Variants in MCM9 observed in about 807,000 individuals in gnomAD.
MCM9 encodes DNA helicase MCM9.
MCM9 carries 55 observed loss-of-function variants against 72.8 expected under a neutral mutation model. The observed-to-expected ratio is 0.76, with a 90% confidence interval of 0.61 to 0.95. The LOEUF is 0.95. MCM9 is among the 40% of genes least tolerant of loss of function. The pLI is 0.00. For missense variants in MCM9, 1,279 were observed against 1,377.0 expected, an observed-to-expected ratio of 0.93 and a Z score of 1.13; for synonymous variants, 480 against 503.4, an observed-to-expected ratio of 0.95 and a Z score of 0.62.
chr6:118,889,899 A>G (rs1583553850), intron 8 of MCM9, among the ~76,000 whole-genome samples: 1 of 152,244 alleles, frequency 6.6e-6, no homozygotes, highest in Non-Finnish European at 1.5e-5. Flanking sequence ...ATGGGTAGAA[A>G]AGAACACAAA....
At chr6:118,894,989 G>A (rs1047668114) in intron 8 of MCM9, among the ~76,000 whole-genome samples, 13 of 149,878 alleles carry the variant, frequency 8.7e-5, no homozygotes, top group Admixed American at 2.0e-4. Flanking sequence ...CAGCGACCCC[G>A]GCGCACGGCG....
At chr6:118,841,646 CCTT>C (rs1189650255) in intron 9 of MCM9, among the ~76,000 whole-genome samples, 3 of 152,120 alleles carry the variant, frequency 2.0e-5, no homozygotes, top group African/African-American at 7.2e-5. Context: ...GTGCCCTGGC[CCTT>C]CTAGGGCTGT....
chr6:118,867,502 T>G (rs1285510540), intron 8 of MCM9, among the ~76,000 whole-genome samples: 1 of 152,222 alleles, frequency 6.6e-6, no homozygotes, highest in Non-Finnish European at 1.5e-5. Context: ...GGAAGCTTCA[T>G]TCACAATAAG....
At chr6:118,887,112 G>C (rs141952701) in intron 8 of MCM9, among the ~76,000 whole-genome samples, 1,580 of 152,200 alleles carry the variant, frequency 0.01, 29 homozygotes, top group African/African-American at 0.036. Flanking sequence ...ACAATCCCAG[G>C]TGGCTTCTTT....
chr6:118,835,008 T>C (rs1774860019), intron 9 of MCM9, among the ~76,000 whole-genome samples: 2 of 152,216 alleles, frequency 1.3e-5, no homozygotes, highest in South Asian at 4.1e-4. Flanking sequence ...AAGCCTTTAA[T>C]CCATCTTAAT....
chr6:118,826,778 T>C lies in MCM9; in HGVS notation c.1815+4A>G. On this transcript the variant is annotated splice_donor_region_variant and intron_variant, in intron 12 of 13. Coordinates refer to ENST00000619706, the MANE Select transcript of MCM9 (RefSeq NM_017696.3). Reference sequence around the variant, plus strand: ...TAAAAATTAGGTACACAAAATATCCTTACCTGCATTGAGGACTCCATGACT... The same window carrying C: ...TAAAAATTAGGTACACAAAATATCCCTACCTGCATTGAGGACTCCATGACT... The C allele has an allele frequency of 6.5e-7, 1 of 1,543,366 alleles. No individual in the cohort carries two copies. Among genetic ancestry groups the C allele is most frequent in the East Asian group, 2.4e-5 (1 of 40,856 alleles).
chr6:118,843,218 T>C (rs576574700), intron 9 of MCM9, among the ~76,000 whole-genome samples: 1 of 152,236 alleles, frequency 6.6e-6, no homozygotes, highest in African/African-American at 2.4e-5. Context: ...TGCATAAAGT[T>C]TGACCTCAAC....
rs1773350541 is a variant in MCM9 at position 118,815,451 on chromosome 6, A to G, written c.2805T>C (p.Phe935=). 5 of 1,550,234 alleles carry G rather than the reference A, an allele frequency of 3.2e-6. No individual in the cohort carries two copies. Among genetic ancestry groups the G allele is most frequent in the Non-Finnish European group, 4.4e-6 (5 of 1,146,912 alleles). Residue 935 remains phenylalanine, a synonymous_variant, in exon 14 of 14, where the codon TTT becomes TTC. Coordinates refer to ENST00000619706, the MANE Select transcript of MCM9 (RefSeq NM_017696.3). ...CAGGTGACACATGGCTGTGATCTTC[A>G]AAGGAGTGGATCAGTTTTGACTTCT... ...FKQKSKLIHS[F]EDHSHVSPGA...
chr6:118,839,584 T>C (rs1458927661), intron 9 of MCM9, among the ~76,000 whole-genome samples: 2 of 152,182 alleles, frequency 1.3e-5, no homozygotes, highest in South Asian at 2.1e-4. Context: ...GTCTTTGATG[T>C]TGGTGACCTT....
Position 118,856,531 on chromosome 6 carries a change from C to T in MCM9, c.1165G>A (p.Ala389Thr). 1.3e-6 allele frequency: 2 copies of T among 1,535,544 alleles called. No homozygotes were observed. Among genetic ancestry groups the T allele is most frequent in the Non-Finnish European group, 1.7e-6 (2 of 1,146,868 alleles). ...TTCCATTCTCCTGAGTCTTTTACAG[C>T]AGTTACCGTCAGACCTGAGGAAACA... The part of the protein sequence containing the change: ...GSTSAGLTVT[A>T]VKDSGEWNLE... The change falls in exon 9 of 14, where the codon GCT becomes ACT. Residue 389 changes from alanine to threonine, a missense_variant. By Grantham distance (58) the Ala-to-Thr change is moderately conservative. Transcript: ENST00000619706.
chr6:118,859,021 G>C (rs980163006), intron 8 of MCM9, among the ~76,000 whole-genome samples: 6 of 152,134 alleles, frequency 3.9e-5, no homozygotes, highest in African/African-American at 1.4e-4. Flanking sequence ...ATACTACAAA[G>C]CTACAGTAAT....
At chr6:118,889,959 G>A (rs569156219) in intron 8 of MCM9, among the ~76,000 whole-genome samples, 9 of 152,284 alleles carry the variant, frequency 5.9e-5, no homozygotes, top group African/African-American at 1.7e-4. Context: ...GAGAGGGTAC[G>A]CTATGTAACA....
intron 9 of MCM9, among the ~76,000 whole-genome samples, chr6:118,838,224 G>A (rs1775099544): frequency 6.7e-6 from 1 of 149,206 alleles, no homozygotes; most frequent in East Asian, 2.0e-4. Context: ...TGCAGTGGCA[G>A]CGATCTCGGC....
rs896044432 is a variant in MCM9 at position 118,935,085 on chromosome 6, T to C, written c.-344A>G. On this transcript the variant is annotated 5_prime_UTR_variant, in exon 1 of 14. Transcript: ENST00000619706. Reference sequence around the variant, plus strand: ...TCGGGCGGCCTAGCGCCTGCGGCTCTGCCGGGCCTGCGCTCTCGACCGACG... The same window carrying C: ...TCGGGCGGCCTAGCGCCTGCGGCTCCGCCGGGCCTGCGCTCTCGACCGACG... 6.6e-6 allele frequency: 1 copy of C among 152,032 alleles called. No homozygotes were observed. The highest frequency in any genetic ancestry group is 2.4e-5 in the African/African-American group (1 of 41,410). 9.4% of individuals were successfully genotyped at this position (152,032 alleles called of 1,614,324 possible). A position where few individuals can be genotyped will look rare whatever the true frequency, so the allele number is the denominator to read the frequency against.
intron 9 of MCM9, among the ~76,000 whole-genome samples, chr6:118,843,441 C>G (rs1041512407): frequency 6.6e-6 from 1 of 150,984 alleles, no homozygotes; most frequent in African/African-American, 2.4e-5. Context: ...CCAGCCTCAC[C>G]AACATGGCGA....
chr6:118,814,527 C>A lies in MCM9; in HGVS notation c.*297G>T, dbSNP rs746653147. On this transcript the variant is annotated 3_prime_UTR_variant, in exon 14 of 14. Transcript: ENST00000619706. ...GAACCTCTCCCCCTTAAAAACAAAA[C>A]AAAACAAAAAACAGAAACAGCTTCA... 1 of 235,470 alleles carries A rather than the reference C, an allele frequency of 4.2e-6. No homozygotes were observed. The highest frequency in any genetic ancestry group is 8.1e-6 in the Non-Finnish European group (1 of 123,468). The allele number at this position is 235,470 out of a possible 1,614,324, so 14.6% of individuals were successfully genotyped here. A position where few individuals can be genotyped will look rare whatever the true frequency, so the allele number is the denominator to read the frequency against.
chr6:118,860,769 G>C (rs1367125826), intron 8 of MCM9, among the ~76,000 whole-genome samples: 2 of 152,220 alleles, frequency 1.3e-5, no homozygotes, highest in East Asian at 3.8e-4. Flanking sequence ...TGGCACCAGA[G>C]GCTGGTTTCG....
chr6:118,894,532 G>T, intron 8 of MCM9: 2 of 1,531,540 alleles, frequency 1.3e-6, no homozygotes, highest in Non-Finnish European at 8.8e-7. Context: ...GGTGAGTGCG[G>T]CGCCCGTGCG....
At chr6:118,826,942 CA>C in intron 11 of MCM9, 78 bp from the exon 12 acceptor site, 1 of 1,150,108 alleles carries the variant, frequency 8.7e-7, no homozygotes, top group Non-Finnish European at 1.3e-6. Context: ...TCCTCCTCAC[CA>C]TTTGTATTTT....
Sources: allele counts gnomAD v4.1 joint callset (sites outside exome capture counted in the v4.1 genomes callset), GRCh38; gene constraint gnomAD v4.1.1; transcripts MANE v1.5; gene names NCBI Gene and HGNC (gene_info 2026-07-23, HGNC 2026-07-21).